Variants in PCDHGB2 observed in about 807,000 individuals in gnomAD.
PCDHGB2 encodes protocadherin gamma subfamily B, 2.
Under a neutral mutation model 59.3 loss-of-function variants are expected in PCDHGB2, and 55 were observed. The ratio of observed to expected loss-of-function variants is 0.93; its 90% CI spans 0.75 to 1.16. PCDHGB2 has a LOEUF of 1.16. Among genes scored for constraint, PCDHGB2 ranks in the 50% most tolerant of loss-of-function variants. The pLI is 0.00. For missense variants in PCDHGB2, 1,228 were observed against 1,198.5 expected, an observed-to-expected ratio of 1.02 and a Z score of -0.36; for synonymous variants, 516 against 512.0, an observed-to-expected ratio of 1.01 and a Z score of -0.11.
At chr5:141,364,571 A>G (rs750353960) in intron 1 of PCDHGB2, 5 of 1,614,012 alleles carry the variant, frequency 3.1e-6, no homozygotes, top group Admixed American at 3.3e-5. Flanking sequence ...GAACCCGCGA[A>G]GCGGCAGCTT....
intron 1 of PCDHGB2, chr5:141,398,585 T>C (rs200356405): frequency 1.9e-6 from 3 of 1,614,080 alleles, no homozygotes; most frequent in Non-Finnish European, 2.5e-6. Flanking sequence ...ACAAGATTTA[T>C]ACTAGAAGTA....
At chr5:141,446,669 C>T (rs554578186) in intron 1 of PCDHGB2, among the ~76,000 whole-genome samples, 2 of 152,182 alleles carry the variant, frequency 1.3e-5, no homozygotes, top group Admixed American at 1.3e-4. Flanking sequence ...TACAAGACAG[C>T]ATTTCACCAT....
chr5:141,477,898 AG>A lies in PCDHGB2; in HGVS notation c.2422-16907del. The stretch of plus-strand genomic sequence containing the variant: ...CTGGCCACCTAGTGTCACGGGTGGT[AG>A]GCTGGGACGCGGATGCAGGGCACAA... On this transcript the variant is annotated intron_variant, in intron 1 of 3. Coordinates refer to ENST00000522605, the MANE Select transcript of PCDHGB2 (RefSeq NM_018923.3). The surrounding 1 kb of genome is among the most constrained non-coding windows in gnomAD (Gnocchi z 4.9). The A allele has an allele frequency of 6.2e-7, 1 of 1,614,158 alleles. No individual in the cohort carries two copies. Among genetic ancestry groups the A allele is most frequent in the Non-Finnish European group, 8.5e-7 (1 of 1,180,036 alleles).
chr5:141,462,792 G>C (rs2099046915), intron 1 of PCDHGB2, among the ~76,000 whole-genome samples: 1 of 152,080 alleles, frequency 6.6e-6, no homozygotes, highest in Admixed American at 6.6e-5. Flanking sequence ...TTGCTTATTT[G>C]CATGTCTAAT....
At chr5:141,382,300 A>C (rs1428266380) in intron 1 of PCDHGB2, among the ~76,000 whole-genome samples, 1 of 152,240 alleles carries the variant, frequency 6.6e-6, no homozygotes, top group Non-Finnish European at 1.5e-5. Flanking sequence ...AATTAATTAA[A>C]ATTTATATAC....
intron 3 of PCDHGB2, among the ~76,000 whole-genome samples, chr5:141,508,616 G>T (rs1007206932): frequency 6.6e-6 from 1 of 152,114 alleles, no homozygotes; most frequent in African/African-American, 2.4e-5. Flanking sequence ...ATAGGACGTG[G>T]GTGGGCCGAG....
At chr5:141,405,020 A>G in intron 1 of PCDHGB2, 1 of 1,613,342 alleles carries the variant, frequency 6.2e-7, no homozygotes, top group Non-Finnish European at 8.5e-7. Context: ...CTCAGACCTT[A>G]CCCTCTACCT....
At chr5:141,404,296 T>C in intron 1 of PCDHGB2, 1 of 1,613,946 alleles carries the variant, frequency 6.2e-7, no homozygotes, top group Non-Finnish European at 8.5e-7. Flanking sequence ...TCAATGATAA[T>C]CCACCTGCTT....
intron 1 of PCDHGB2, chr5:141,405,547 G>A (rs2094685057): frequency 1.6e-6 from 1 of 629,986 alleles, no homozygotes; most frequent in Non-Finnish European, 2.7e-6. Context: ...AGCCTCCCAA[G>A]TAGAGTAGCT....
chr5:141,398,782 C>T (rs763578317), intron 1 of PCDHGB2: 1 of 1,613,908 alleles, frequency 6.2e-7, no homozygotes, highest in Non-Finnish European at 8.5e-7. Context: ...GGACGGTGGA[C>T]ATCCACCCCT....
chr5:141,451,565 C>A (rs1336048717), intron 1 of PCDHGB2, among the ~76,000 whole-genome samples: 2 of 152,062 alleles, frequency 1.3e-5, no homozygotes, highest in South Asian at 2.1e-4. Flanking sequence ...AAGCCACAAT[C>A]TTTTTATAAA....
intron 1 of PCDHGB2, chr5:141,365,430 C>G: frequency 6.2e-7 from 1 of 1,613,960 alleles, no homozygotes; most frequent in Middle Eastern, 1.6e-4. Context: ...ACTGTAATCG[C>G]GCTGTTTAGC....
chr5:141,365,498 T>A, intron 1 of PCDHGB2: 1 of 1,613,936 alleles, frequency 6.2e-7, no homozygotes, highest in Non-Finnish European at 8.5e-7. Flanking sequence ...TCCTAGGAAT[T>A]TGCCTTTTAA....
At chr5:141,415,746 T>G (rs766611858) in intron 1 of PCDHGB2, 17 of 662,556 alleles carry the variant, frequency 2.6e-5, no homozygotes, top group East Asian at 1.1e-4. Context: ...TAAGGTTTTT[T>G]TTTTTTTTTT....
At chr5:141,366,064 G>A (rs761173450) in intron 1 of PCDHGB2, 4 of 1,614,106 alleles carry the variant, frequency 2.5e-6, no homozygotes, top group African/African-American at 1.3e-5. Flanking sequence ...TGGAGCTGGC[G>A]CCTCGCTCCG....
Position 141,485,716 on chromosome 5 carries a change from T to C in PCDHGB2, c.2422-9091T>C. Reference sequence around the variant, plus strand: ...GCTCCAATGAACACTTTGCACTGGATGTGAAGAAGCGCAGCGACGGCAGCC... The same window carrying C: ...GCTCCAATGAACACTTTGCACTGGACGTGAAGAAGCGCAGCGACGGCAGCC... On this transcript the variant is annotated intron_variant, in intron 1 of 3. Coordinates refer to ENST00000522605, the MANE Select transcript of PCDHGB2 (RefSeq NM_018923.3). The surrounding 1 kb of genome is among the most constrained non-coding windows in gnomAD (Gnocchi z 5.7). The C allele has an allele frequency of 6.2e-7, 1 of 1,614,044 alleles. No individual in the cohort carries two copies. Among genetic ancestry groups the C allele is most frequent in the Non-Finnish European group, 8.5e-7 (1 of 1,180,002 alleles).
chr5:141,370,964 G>A (rs372975056), intron 1 of PCDHGB2: 71 of 1,613,848 alleles, frequency 4.4e-5, no homozygotes, highest in Non-Finnish European at 5.6e-5. Flanking sequence ...ATGGCAGTAG[G>A]TACCCAGAGC....
intron 1 of PCDHGB2, chr5:141,364,350 G>A: frequency 6.5e-7 from 1 of 1,550,364 alleles, no homozygotes; most frequent in Non-Finnish European, 8.7e-7. Flanking sequence ...CCACCTAGGG[G>A]CTGGGGCTGC....
intron 1 of PCDHGB2, chr5:141,400,157 C>G (rs778405500): frequency 3.7e-6 from 6 of 1,614,050 alleles, no homozygotes; most frequent in African/African-American, 1.3e-5. Context: ...CGCCCTGTAC[C>G]CTCTGACCCC....
Sources: allele counts gnomAD v4.1 joint callset (sites outside exome capture counted in the v4.1 genomes callset), GRCh38; gene constraint gnomAD v4.1.1; non-coding constraint Gnocchi (gnomAD v3.1); transcripts MANE v1.5; gene names NCBI Gene and HGNC (gene_info 2026-07-23, HGNC 2026-07-21).